Variants in DPP9 observed in about 807,000 individuals in gnomAD.
DPP9 encodes the protein dipeptidyl peptidase 9, also known as dipeptidyl peptidase IV-related protein-2.
Under a neutral mutation model 110.7 loss-of-function variants are expected in DPP9, and 50 were observed. That is an observed-to-expected ratio of 0.45 (90% CI 0.36 to 0.57). DPP9 has a LOEUF of 0.57. Among genes scored for constraint, DPP9 ranks in the 20% least tolerant of loss-of-function variants. DPP9 has a pLI of 0.00. For synonymous variants in DPP9, 561 were observed against 514.4 expected (o/e 1.09, Z -1.23); for missense variants, 1,022 against 1,217.9 (o/e 0.84, Z 2.39).
At position 4,679,832 on chromosome 19, in the gene DPP9, C is replaced by T. The variant is rs1242874722; in HGVS notation, c.2586+3G>A. 6.2e-7 allele frequency: 1 copy of T among 1,603,508 alleles called. No individual in the cohort carries two copies. Among genetic ancestry groups the T allele is most frequent in the South Asian group, 1.1e-5 (1 of 89,428 alleles). On this transcript the variant is annotated splice_donor_region_variant and intron_variant, in intron 21 of 21. Coordinates refer to ENST00000262960, the MANE Select transcript of DPP9 (RefSeq NM_139159.5). ...GGGGCCGAAGCCCCCAACAGCCACC[C>T]ACCTGGAGCTGGTAAGGTTTCCCTG...
chr19:4,684,669 G>T lies in DPP9; in HGVS notation c.2172C>A (p.Asn724Lys). 1 of 1,613,276 alleles carries T rather than the reference G, an allele frequency of 6.2e-7. No homozygotes were observed. Reference protein sequence around the residue: ...RGLRFEGALKNQMGQVEIEDQ... With the variant: ...RGLRFEGALKKQMGQVEIEDQ... ...AACAGGGAGGAGTTGTTACCATTTG[G>T]TTTTTCAGGGCCCCTTCGAACCGAA... is the stretch of plus-strand genomic sequence containing the variant. The change falls in exon 18 of 22, where the codon AAC becomes AAA. Residue 724 changes from asparagine (N) to lysine (K), a missense_variant. Around this residue, in one of 3 missense-constraint regions of DPP9, gnomAD observed 209 missense variants for 280.4 expected, o/e 0.75. Transcript: ENST00000262960. The surrounding 1 kb of genome is among the most constrained non-coding windows in gnomAD (Gnocchi z 4.8).
rs548352812 is a variant in DPP9, at chr19:4,687,628, C to T, written c.1885+1129G>A. On this transcript the variant is annotated intron_variant, in intron 16 of 21. Coordinates refer to ENST00000262960, the MANE Select transcript of DPP9 (RefSeq NM_139159.5). This position sits in a 1 kb window ranked among gnomAD's most constrained non-coding sequence, Gnocchi z 4.7. Reference sequence around the variant, plus strand: ...GGCTCTGAGCAGGTGCTGCTGTGGGCGGCAGCCTCTGGGCACAGGACACCA... The same window carrying T: ...GGCTCTGAGCAGGTGCTGCTGTGGGTGGCAGCCTCTGGGCACAGGACACCA... Among the ~76,000 whole-genome samples the T allele has an allele frequency of 9.9e-5, 15 of 152,174 alleles. No individual in the cohort carries two copies. In the East Asian group the frequency reaches 1.9e-3, roughly 20 times the overall value.
At position 4,719,897 on chromosome 19, in the gene DPP9, C is replaced by T. The variant is rs2093242416; in HGVS notation, c.10G>A (p.Val4Ile). Reference protein sequence around the residue: MRKVKKLRLDKENT... With the variant: MRKIKKLRLDKENT... ...TCCTTGTCCAGGCGCAGTTTCTTAACCTTCCGCATTAACCGCTCAGCTGAC... is the reference window on the plus strand; with the variant it reads ...TCCTTGTCCAGGCGCAGTTTCTTAATCTTCCGCATTAACCGCTCAGCTGAC... Residue 4 changes from valine to isoleucine, a missense_variant, in exon 3 of 22, where the codon GTT becomes ATT. By Grantham distance (29) the Val-to-Ile change is conservative (BLOSUM62 3). Transcript: ENST00000262960. The T allele has an allele frequency of 6.4e-7, 1 of 1,551,742 alleles. No individual in the cohort carries two copies. Among genetic ancestry groups the T allele is most frequent in the Non-Finnish European group, 8.7e-7 (1 of 1,147,004 alleles).
rs749635368 is a variant in DPP9, at chr19:4,704,023, G to A, written c.632C>T (p.Thr211Ile). ...VSPMKPLEIK[T>I]QCSGPRMDPK... ...GTCCATCCGGGGCCCTGAGCACTGG[G>A]TCTTGATTTCCAGCGGTTTCATAGG... The change falls in exon 7 of 22, where the codon ACC becomes ATC. Residue 211 changes from threonine to isoleucine, a missense_variant. Physicochemically the swap from Thr to Ile is moderately conservative, Grantham distance 89 (BLOSUM62 -1). Transcript: ENST00000262960. The surrounding 1 kb of genome is among the most constrained non-coding windows in gnomAD (Gnocchi z 6.0). The A allele has an allele frequency of 6.2e-7, 1 of 1,614,062 alleles. No individual in the cohort carries two copies. The highest frequency in any genetic ancestry group is 1.1e-5 in the South Asian group (1 of 91,088).
chr19:4,723,166 G>A (rs1027542721), intron 1 of DPP9, among the ~76,000 whole-genome samples: 2 of 152,230 alleles, frequency 1.3e-5, no homozygotes, highest in African/African-American at 4.8e-5. Flanking sequence ...ACTGGATTGG[G>A]GAGACCAAGC....
Position 4,689,923 on chromosome 19 carries a change from G to A in DPP9, c.1597-201C>T, listed in dbSNP as rs2091158543. 1.3e-5 allele frequency among the ~76,000 whole-genome samples: 2 copies of A among 152,322 alleles called. No individual in the cohort carries two copies. The highest frequency in any genetic ancestry group is 3.9e-4 in the East Asian group (2 of 5,174). ...GCCCCGTGGGCTGGGAGCAGCCCCT[G>A]GTCGAGCTGGGAACTGCGTGTCCTC... On this transcript the variant is annotated intron_variant, in intron 14 of 21. Coordinates refer to ENST00000262960, the MANE Select transcript of DPP9 (RefSeq NM_139159.5). The surrounding 1 kb of genome is among the most constrained non-coding windows in gnomAD (Gnocchi z 7.0).
intron 11 of DPP9, among the ~76,000 whole-genome samples, chr19:4,697,131 C>T (rs946955458): frequency 1.3e-5 from 2 of 151,972 alleles, no homozygotes; most frequent in African/African-American, 4.8e-5. Flanking sequence ...CTGAATTTGC[C>T]CACTGGGGTT....
At chr19:4,691,903 C>A (rs934274117) in intron 13 of DPP9, among the ~76,000 whole-genome samples, 1 of 151,936 alleles carries the variant, frequency 6.6e-6, no homozygotes, top group African/African-American at 2.4e-5. Flanking sequence ...GTCTCCAACT[C>A]CTGACCTCAG....
rs903668201 is a variant in DPP9 at position 4,675,230 on chromosome 19, G to A, written c.*1334C>T. On this transcript the variant is annotated 3_prime_UTR_variant, in exon 22 of 22. Coordinates refer to ENST00000262960, the MANE Select transcript of DPP9 (RefSeq NM_139159.5). ...AGAAGGAACCTCAGGCAGGTGACATGTTTCCAACTGGAATCGTTTAATGTG... is the reference window on the plus strand; with the variant it reads ...AGAAGGAACCTCAGGCAGGTGACATATTTCCAACTGGAATCGTTTAATGTG... The A allele has an allele frequency of 3.9e-5, 6 of 152,306 alleles. No individual in the cohort carries two copies. Among genetic ancestry groups the A allele is most frequent in the African/African-American group, 1.2e-4 (5 of 41,316 alleles). 9.4% of individuals were successfully genotyped at this position (152,306 alleles called of 1,614,324 possible). A position where few individuals can be genotyped will look rare whatever the true frequency, so the allele number is the denominator to read the frequency against.
At chr19:4,697,346 A>G (rs1257134329) in intron 11 of DPP9, among the ~76,000 whole-genome samples, 1 of 152,222 alleles carries the variant, frequency 6.6e-6, no homozygotes, top group Admixed American at 6.5e-5. Flanking sequence ...ACTGGGACTC[A>G]TAAGTCCAGT....
chr19:4,688,932 C>T, intron 15 of DPP9, 40 bp from the exon 16 acceptor site: 1 of 1,497,476 alleles, frequency 6.7e-7, no homozygotes, highest in Non-Finnish European at 8.8e-7. Flanking sequence ...CGGGATGCCG[C>T]TGCGCCCTTT....
chr19:4,683,198 A>G (rs1284833180), intron 19 of DPP9: 29 of 1,423,746 alleles, frequency 2.0e-5, no homozygotes, highest in Non-Finnish European at 2.8e-6. Flanking sequence ...ACCTCTGCCC[A>G]TCCGAGGCCG....
chr19:4,723,813 G>C lies in DPP9; in HGVS notation c.-228C>G, dbSNP rs1467278574. On this transcript the variant is annotated 5_prime_UTR_variant, in exon 1 of 22. Coordinates refer to ENST00000262960, the MANE Select transcript of DPP9 (RefSeq NM_139159.5). ...CAGCCGCGGCGGACACAGGGGACCC[G>C]CCGGCTCAGGCACCTTTGACCCGGA... 1 of 154,474 alleles carries C rather than the reference G, an allele frequency of 6.5e-6. No individual in the cohort carries two copies. The highest frequency in any genetic ancestry group is 1.5e-5 in the Non-Finnish European group (1 of 68,240). 9.6% of individuals were successfully genotyped at this position (154,474 alleles called of 1,614,324 possible).
intron 4 of DPP9, among the ~76,000 whole-genome samples, chr19:4,713,867 C>T (rs1035473025): frequency 5.3e-5 from 8 of 152,114 alleles, no homozygotes; most frequent in African/African-American, 7.2e-5. Flanking sequence ...GCTCCCTGCA[C>T]GGCTGACCCT....
rs1307518986 is a variant in DPP9 at position 4,684,377 on chromosome 19, G to C, written c.2178+286C>G. The C allele has an allele frequency of 4.5e-6, 2 of 443,224 alleles. No individual in the cohort carries two copies. The highest frequency in any genetic ancestry group is 8.2e-6 in the Non-Finnish European group (2 of 244,578). 27.5% of individuals were successfully genotyped at this position (443,224 alleles called of 1,614,324 possible). A position where few individuals can be genotyped will look rare whatever the true frequency, so the allele number is the denominator to read the frequency against. ...ATAAATCCCCAGGCTGTGGGGTTTTGTTCCAGCAGTGCAAAGGGGCCGAGA... is the reference window on the plus strand; with the variant it reads ...ATAAATCCCCAGGCTGTGGGGTTTTCTTCCAGCAGTGCAAAGGGGCCGAGA... On this transcript the variant is annotated intron_variant, in intron 18 of 21. Coordinates refer to ENST00000262960, the MANE Select transcript of DPP9 (RefSeq NM_139159.5). The surrounding 1 kb of genome is among the most constrained non-coding windows in gnomAD (Gnocchi z 4.8).
chr19:4,714,248 G>A lies in DPP9; in HGVS notation c.146C>T (p.Pro49Leu), dbSNP rs781767492. ...CTTCTGCACCTGGAAGCGGGCGGCC[G>A]GGTCATCTGTGGCGGCTGCGTCGCC... ...DRGDAAATDD[P>L]AARFQVQKHS... Residue 49 changes from proline (P) to leucine (L), a missense_variant, in exon 4 of 22, where the codon CCG becomes CTG. Coordinates refer to ENST00000262960, the MANE Select transcript of DPP9 (RefSeq NM_139159.5). The A allele has an allele frequency of 6.7e-5, 107 of 1,589,044 alleles. 1 individual carries two copies. Among genetic ancestry groups the A allele is most frequent in the South Asian group, 2.7e-4 (24 of 88,114 alleles).
At position 4,714,186 on chromosome 19, in the gene DPP9, T is replaced by C; in HGVS notation, c.208A>G (p.Ser70Gly). The C allele has an allele frequency of 6.2e-7, 1 of 1,611,218 alleles. No individual in the cohort carries two copies. The change falls in exon 4 of 22, where the codon AGC becomes GGC. Residue 70 changes from serine to glycine, a missense_variant. Physicochemically the swap from Ser to Gly is moderately conservative, Grantham distance 56. This residue lies in a region of DPP9 where 810 missense variants were observed against 920.6 expected (regional missense o/e 0.88). Transcript: ENST00000262960. Reference sequence around the variant, plus strand: ...ACAATGAGGCCCGAGTACTTGCGGCTGCCGTGGATGATGCTCCGGAGCCCG... The same window carrying C: ...ACAATGAGGCCCGAGTACTTGCGGCCGCCGTGGATGATGCTCCGGAGCCCG... ...WDGLRSIIHG[S>G]RKYSGLIVNK...
chr19:4,717,624 C>A (rs2093138374), intron 3 of DPP9: 1 of 152,240 alleles, frequency 6.6e-6, no homozygotes, highest in African/African-American at 2.4e-5. Context: ...CCTCTGATCA[C>A]CACTGATAGC....
At chr19:4,701,058 G>A (rs1301792685) in intron 9 of DPP9, among the ~76,000 whole-genome samples, 4 of 152,206 alleles carry the variant, frequency 2.6e-5, no homozygotes, top group Non-Finnish European at 5.9e-5. Context: ...GGGCAATAAC[G>A]ATGCTCTTAT....
Sources: allele counts gnomAD v4.1 joint callset (sites outside exome capture counted in the v4.1 genomes callset), GRCh38; gene constraint gnomAD v4.1.1; regional missense constraint gnomAD v4.1.1; non-coding constraint Gnocchi (gnomAD v3.1); transcripts MANE v1.5; gene names NCBI Gene and HGNC (gene_info 2026-07-23, HGNC 2026-07-21).